ATG14: variants seen among roughly 807,000 people sequenced by gnomAD.
ATG14 encodes the protein beclin 1-associated autophagy-related key regulator.
A neutral mutation model predicts 60.4 loss-of-function variants in ATG14; 35 were observed. The observed-to-expected ratio is 0.58, with a 90% CI of 0.44 to 0.77. ATG14 has a LOEUF of 0.77. Ranked by LOEUF, ATG14 falls within the 30% of genes least tolerant of loss-of-function variation. The probability of loss-of-function intolerance (pLI) is 0.00; values close to 1 mark genes in which losing one functional copy is unlikely to be tolerated. For synonymous variants in ATG14, 234 were observed against 228.8 expected (o/e 1.02, Z -0.21); for missense variants, 647 against 626.3 (o/e 1.03, Z -0.35).
At chr14:55,402,926 A>AAAT (rs1566585634) in intron 1 of ATG14, among the ~76,000 whole-genome samples, 1 of 16,402 alleles carries the variant, frequency 6.1e-5, no homozygotes, top group Non-Finnish European at 1.1e-4. Context: ...AAAAAAAAAA[A>AAAT]ATATATATAT....
chr14:55,407,420 C>G (rs1885508996), intron 1 of ATG14, among the ~76,000 whole-genome samples: 1 of 152,158 alleles, frequency 6.6e-6, no homozygotes, highest in Admixed American at 6.5e-5. Flanking sequence ...TGAGCCACTG[C>G]CCCCGGCCTC....
rs558815977 is a variant in ATG14 at position 55,387,193 on chromosome 14, G to C, written c.410-1097C>G. Among the ~76,000 whole-genome samples, 2 of 152,118 alleles carry C rather than the reference G, an allele frequency of 1.3e-5. 1 individual carries two copies. Among genetic ancestry groups the C allele is most frequent in the African/African-American group, 4.8e-5 (2 of 41,486 alleles). On this transcript the variant is annotated intron_variant, in intron 4 of 9. Transcript: ENST00000247178. ...GGTTCTCCACTGCCCATCAAATACA[G>C]AGCAAACCCCTCAGCCTCAAGGCCT...
chr14:55,411,700 C>G lies in ATG14; in HGVS notation c.123G>C (p.Glu41Asp). 1 of 1,612,964 alleles carries G rather than the reference C, an allele frequency of 6.2e-7. No individual in the cohort carries two copies. Among genetic ancestry groups the G allele is most frequent in the South Asian group, 1.1e-5 (1 of 90,970 alleles). Residue 41 changes from glutamate to aspartate, a missense_variant, in exon 1 of 10, where the codon GAG becomes GAC. By Grantham distance (45) the Glu-to-Asp change is conservative (BLOSUM62 2). Coordinates refer to ENST00000247178, the MANE Select transcript of ATG14 (RefSeq NM_014924.5). ...DDAEGLYVAV[E>D]RCPLCNTTRR... is the part of the protein sequence containing the mutation. ...GGGTAGTGTTGCACAGCGGGCAGCG[C>G]TCCACAGCCACGTACAGCCCCTCCG...
chr14:55,371,818 AAAAC>A (rs1432552695), intron 9 of ATG14, among the ~76,000 whole-genome samples: 3 of 149,966 alleles, frequency 2.0e-5, no homozygotes, highest in Non-Finnish European at 3.0e-5. Context: ...AACAAACAAA[AAAAC>A]AAAGAGCCCC....
intron 1 of ATG14, among the ~76,000 whole-genome samples, chr14:55,400,905 TAAATAAATAAAATA>T (rs1174018581): frequency 2.2e-5 from 3 of 137,322 alleles, no homozygotes; most frequent in Non-Finnish European, 3.1e-5. Flanking sequence ...CTGTCTCAAA[TAAATAAATAAAATA>T]AAATAAAATA....
At chr14:55,387,260 C>T (rs1885140477) in intron 4 of ATG14, among the ~76,000 whole-genome samples, 1 of 152,194 alleles carries the variant, frequency 6.6e-6, no homozygotes. Flanking sequence ...CCTCTGCACA[C>T]CCTTCGCTCT....
At chr14:55,393,886 T>C (rs1226604889) in intron 3 of ATG14, among the ~76,000 whole-genome samples, 1 of 152,036 alleles carries the variant, frequency 6.6e-6, no homozygotes, top group Non-Finnish European at 1.5e-5. Context: ...TTAAAATACA[T>C]AAATGAAATC....
intron 4 of ATG14, among the ~76,000 whole-genome samples, chr14:55,387,088 A>G (rs912643016): frequency 2.0e-5 from 3 of 151,930 alleles, no homozygotes; most frequent in Non-Finnish European, 2.9e-5. Flanking sequence ...CACTCTGCCT[A>G]TCTCCAACAC....
Position 55,382,014 on chromosome 14 carries a change from G to A in ATG14, c.825C>T (p.Asp275=), listed in dbSNP as rs1284637409. ...CCACCCAGCTGTAGTAGGCAGAGTAGTCCCCATTGTTAGGGAGGCTAATCC... is the reference window on the plus strand; with the variant it reads ...CCACCCAGCTGTAGTAGGCAGAGTAATCCCCATTGTTAGGGAGGCTAATCC... ...GPWISLPNNG[D]YSAYYSWVEE... is the part of the protein sequence containing the mutation. The change falls in exon 6 of 10, where the codon GAC becomes GAT. Residue 275 remains aspartate, a synonymous_variant. Coordinates refer to ENST00000247178, the MANE Select transcript of ATG14 (RefSeq NM_014924.5). 1.9e-6 allele frequency: 3 copies of A among 1,614,102 alleles called. No individual in the cohort carries two copies. The highest frequency in any genetic ancestry group is 1.7e-6 in the Non-Finnish European group (2 of 1,180,032).
intron 3 of ATG14, among the ~76,000 whole-genome samples, chr14:55,393,252 G>C (rs1455587532): frequency 6.6e-6 from 1 of 152,084 alleles, no homozygotes; most frequent in African/African-American, 2.4e-5. Context: ...GGGCGTGGTG[G>C]TGGGCGCCTG....
At chr14:55,376,555 A>G (rs753018913) in intron 9 of ATG14, among the ~76,000 whole-genome samples, 1 of 152,160 alleles carries the variant, frequency 6.6e-6, no homozygotes, top group African/African-American at 2.4e-5. Context: ...AATGTTAACT[A>G]TCTGAGGTGG....
Position 55,380,617 on chromosome 14 carries a change from C to A in ATG14, c.951G>T (p.Leu317=), listed in dbSNP as rs1425192286. ...LCYATQLVNI[L]SHILDVNLPK... ...GAAGATTTACATCAAGTATATGAGA[C>A]AGAATGTTGACCAGCTGAGTTGCAT... is the stretch of plus-strand genomic sequence containing the variant. The change falls in exon 7 of 10, where the codon CTG becomes CTT. Residue 317 remains leucine (L), a synonymous_variant. Transcript: ENST00000247178. 6.2e-7 allele frequency: 1 copy of A among 1,613,214 alleles called. No homozygotes were observed. Among genetic ancestry groups the A allele is most frequent in the Non-Finnish European group, 8.5e-7 (1 of 1,179,646 alleles).
chr14:55,379,292 G>A (rs964121945), intron 7 of ATG14, among the ~76,000 whole-genome samples: 8 of 152,002 alleles, frequency 5.3e-5, no homozygotes, highest in African/African-American at 1.9e-4. Context: ...TCCCAGCACT[G>A]TGGGAGGCAG....
chr14:55,376,799 T>C (rs897579438), intron 9 of ATG14, among the ~76,000 whole-genome samples: 3 of 152,060 alleles, frequency 2.0e-5, no homozygotes, highest in Non-Finnish European at 4.4e-5. Context: ...TCTGCAGAAA[T>C]GTATGGACAG....
In ATG14 at chr14:55,385,945, A is replaced by G. The variant is rs371007226; in HGVS notation, c.561T>C (p.Tyr187=). ...ATCGTCGAAGATTTGCCAGACGCTC[A>G]TAATGACTTCTTAAGTCAATGGTCT... The part of the protein sequence containing the change: ...EKKTIDLRSH[Y]ERLANLRRSH... The change falls in exon 5 of 10, where the codon TAT becomes TAC. Residue 187 remains tyrosine, a synonymous_variant. Coordinates refer to ENST00000247178, the MANE Select transcript of ATG14 (RefSeq NM_014924.5). 10 of 1,614,222 alleles carry G rather than the reference A, an allele frequency of 6.2e-6. No homozygotes were observed. The highest frequency in any genetic ancestry group is 7.6e-6 in the Non-Finnish European group (9 of 1,180,030).
At position 55,382,371 on chromosome 14, in the gene ATG14, G is replaced by C. The variant is rs185433118; in HGVS notation, c.648-180C>G. Among the ~76,000 whole-genome samples, 5 of 152,256 alleles carry C rather than the reference G, an allele frequency of 3.3e-5. No individual in the cohort carries two copies. In the East Asian group the frequency reaches 9.6e-4, roughly 29 times the overall value. On this transcript the variant is annotated intron_variant, in intron 5 of 9. Transcript: ENST00000247178. ...TCTGTTATCCAACATGGAGCGCAGT[G>C]ACAGATGTAATCATAGCTCACTGAA... is the stretch of plus-strand genomic sequence containing the variant.
At chr14:55,394,717 T>C (rs1197967085) in intron 3 of ATG14, among the ~76,000 whole-genome samples, 1 of 152,126 alleles carries the variant, frequency 6.6e-6, no homozygotes, top group Non-Finnish European at 1.5e-5. Context: ...ACAGTTCTAC[T>C]AAAAAACAAC....
intron 6 of ATG14, among the ~76,000 whole-genome samples, 169 bp from the exon 7 acceptor site, chr14:55,380,859 A>G (rs914606939): frequency 8.5e-5 from 8 of 93,568 alleles, no homozygotes; most frequent in Admixed American, 1.8e-4. Context: ...TTGTGTGTAT[A>G]TATATATATA....
intron 6 of ATG14, among the ~76,000 whole-genome samples, chr14:55,381,656 A>G (rs765127252): frequency 9.2e-5 from 14 of 152,258 alleles, no homozygotes; most frequent in Non-Finnish European, 1.5e-4. Context: ...ACAAAAAGCT[A>G]TATGTTCTGT....
Sources: gnomAD v4.1 joint callset for allele counts (sites outside exome capture counted in the v4.1 genomes callset) on GRCh38, gnomAD v4.1.1 for gene constraint, MANE v1.5 for transcripts, NCBI Gene and HGNC (gene_info 2026-07-23, HGNC 2026-07-21) for gene names.